Variants in IAPP observed in about 807,000 individuals in gnomAD.
IAPP encodes islet amyloid polypeptide.
A neutral mutation model predicts 2.9 loss-of-function variants in IAPP; 4 were observed. That is an observed-to-expected ratio of 1.39 (90% CI 0.69 to 3.19). The LOEUF is 3.19. IAPP is among the 30% of genes most tolerant of loss of function. The probability of loss-of-function intolerance (pLI) is 0.01; values close to 1 mark genes in which losing one functional copy is unlikely to be tolerated. For missense variants in IAPP, 114 were observed against 105.3 expected (o/e 1.08, Z -0.36); for synonymous variants, 40 against 42.1 (o/e 0.95, Z 0.19).
chr12:21,356,109 T>C (rs1458606016), intron 1 of IAPP, among the ~76,000 whole-genome samples: 1 of 152,070 alleles, frequency 6.6e-6, no homozygotes, highest in African/African-American at 2.4e-5. Flanking sequence ...TAAATTTGAA[T>C]CACAGCTCTA....
intron 1 of IAPP, among the ~76,000 whole-genome samples, chr12:21,363,950 C>A (rs567698206): frequency 2.3e-4 from 35 of 152,250 alleles, no homozygotes; most frequent in African/African-American, 8.2e-4. Flanking sequence ...GGATTCACAG[C>A]CGAATTCTAC....
rs1382689763 is a variant in IAPP at position 21,373,698 on chromosome 12, C to T, written c.80+267C>T. 5.7e-6 allele frequency: 4 copies of T among 701,660 alleles called. No individual in the cohort carries two copies. In the Admixed American group the frequency reaches 6.0e-5, roughly 11 times the overall value. The allele number at this position is 701,660 out of a possible 1,614,324, so 43.5% of individuals were successfully genotyped here. On this transcript the variant is annotated intron_variant, in intron 2 of 2. Transcript: ENST00000240652. ...AATATACTCTTGGAACTTAGAGGGGCAAAGCCAGAACATGAAGCGGGAAAA... is the reference window on the plus strand; with the variant it reads ...AATATACTCTTGGAACTTAGAGGGGTAAAGCCAGAACATGAAGCGGGAAAA...
chr12:21,376,258 G>T, intron 2 of IAPP: 1 of 237,964 alleles, frequency 4.2e-6, no homozygotes, highest in Non-Finnish European at 9.1e-6. Flanking sequence ...ACATATCTTG[G>T]AACAGATATT....
At chr12:21,358,668 CTT>C (rs1232398489) in intron 1 of IAPP, among the ~76,000 whole-genome samples, 2 of 151,476 alleles carry the variant, frequency 1.3e-5, no homozygotes, top group Admixed American at 6.6e-5. Flanking sequence ...TAAAAATTAA[CTT>C]TGAAACATGA....
intron 2 of IAPP, among the ~76,000 whole-genome samples, chr12:21,377,884 C>T (rs1302867455): frequency 6.6e-6 from 1 of 151,530 alleles, no homozygotes; most frequent in Non-Finnish European, 1.5e-5. Context: ...TAAATTTTAC[C>T]TTCTAAATTC....
intron 1 of IAPP, among the ~76,000 whole-genome samples, chr12:21,358,276 A>G (rs1311028672): frequency 6.6e-6 from 1 of 152,202 alleles, no homozygotes; most frequent in Admixed American, 6.5e-5. Context: ...GCTAATTTGC[A>G]GCTTTTTACA....
upstream of IAPP, among the ~76,000 whole-genome samples, chr12:21,368,338 A>G (rs1273136062): frequency 6.6e-6 from 1 of 152,190 alleles, no homozygotes; most frequent in Non-Finnish European, 1.5e-5. Flanking sequence ...GGGAAATTCT[A>G]CACAACAAAT....
At chr12:21,357,712 G>C (rs1477549268) in intron 1 of IAPP, among the ~76,000 whole-genome samples, 4 of 151,624 alleles carry the variant, frequency 2.6e-5, no homozygotes, top group Non-Finnish European at 5.9e-5. Flanking sequence ...ATTTGTTTCT[G>C]TGTTTATTTT....
intron 1 of IAPP, among the ~76,000 whole-genome samples, chr12:21,360,440 G>A (rs968076851): frequency 6.6e-6 from 1 of 152,216 alleles, no homozygotes; most frequent in Non-Finnish European, 1.5e-5. Context: ...GTGGCACCAA[G>A]ATGGCCGAAT....
intron 1 of IAPP, among the ~76,000 whole-genome samples, chr12:21,364,598 A>G (rs1332616652): frequency 6.6e-6 from 1 of 152,204 alleles, no homozygotes; most frequent in Non-Finnish European, 1.5e-5. Flanking sequence ...GGAAAAGAGG[A>G]AGTCAAATTG....
At chr12:21,366,049 G>A (rs142862241) in intron 1 of IAPP, among the ~76,000 whole-genome samples, 271 of 152,262 alleles carry the variant, frequency 1.8e-3, no homozygotes, top group African/African-American at 6.3e-3. Context: ...CCATTACTGG[G>A]CATATACCCA....
At chr12:21,355,296 G>A (rs10841797) in intron 1 of IAPP, among the ~76,000 whole-genome samples, 52,477 of 151,892 alleles carry the variant, frequency 0.35, 9,759 homozygotes, top group African/African-American at 0.49. Context: ...CTGAAGTATG[G>A]CTTTATCCTG....
At chr12:21,372,501 G>A (rs1437234310), upstream of IAPP, among the ~76,000 whole-genome samples, 1 of 152,062 alleles carries the variant, frequency 6.6e-6, no homozygotes, top group African/African-American at 2.4e-5. Context: ...GAAGCTTCAT[G>A]GGATTCAGCC....
chr12:21,376,389 A>G (rs1305273525), intron 2 of IAPP: 6 of 310,406 alleles, frequency 1.9e-5, no homozygotes, highest in South Asian at 1.5e-4. Flanking sequence ...ATTCAATGCA[A>G]ATGTATGAAA....
chr12:21,355,708 T>G (rs1482603524), intron 1 of IAPP, among the ~76,000 whole-genome samples: 1 of 152,156 alleles, frequency 6.6e-6, no homozygotes, highest in Non-Finnish European at 1.5e-5. Flanking sequence ...AAAAAACAGA[T>G]GATCTTATAA....
chr12:21,370,584 G>T (rs866565570), upstream of IAPP, among the ~76,000 whole-genome samples: 1 of 149,504 alleles, frequency 6.7e-6, no homozygotes, highest in Non-Finnish European at 1.5e-5. Context: ...GCAGTGTTTC[G>T]ATAGAAGATT....
At chr12:21,370,906 G>A (rs1057232613), upstream of IAPP, among the ~76,000 whole-genome samples, 8 of 152,180 alleles carry the variant, frequency 5.3e-5, no homozygotes, top group Middle Eastern at 3.2e-3. Context: ...AGGGTTCTTG[G>A]CTTTGTTCAT....
chr12:21,375,628 T>G (rs1940137626), intron 2 of IAPP, among the ~76,000 whole-genome samples: 1 of 152,204 alleles, frequency 6.6e-6, no homozygotes. Flanking sequence ...ATTACATAGA[T>G]GCCAAGATGC....
chr12:21,355,051 C>G (rs944167113), intron 1 of IAPP: 1 of 152,098 alleles, frequency 6.6e-6, no homozygotes, highest in Non-Finnish European at 1.5e-5. Context: ...TTCAAAAATA[C>G]ACTAAATCAC....
Sources: allele counts gnomAD v4.1 joint callset (sites outside exome capture counted in the v4.1 genomes callset), GRCh38; gene constraint gnomAD v4.1.1; transcripts MANE v1.5; gene names NCBI Gene and HGNC (gene_info 2026-07-23, HGNC 2026-07-21).